VWA3B: variants seen among roughly 807,000 people sequenced by gnomAD.
VWA3B encodes von Willebrand factor A domain-containing protein 3B.
A neutral mutation model predicts 158.3 loss-of-function variants in VWA3B; 138 were observed. The observed-to-expected ratio is 0.87, with a 90% CI of 0.76 to 1.00. The LOEUF is 1.00. Ranked by LOEUF, VWA3B falls within the 50% of genes least tolerant of loss-of-function variation. The pLI is 0.00. For missense variants in VWA3B, 1,555 were observed against 1,565.1 expected, an observed-to-expected ratio of 0.99 and a Z score of 0.11; for synonymous variants, 596 against 587.3, an observed-to-expected ratio of 1.01 and a Z score of -0.21.
chr2:98,102,179 C>T (rs904401727), intron 2 of VWA3B, among the ~76,000 whole-genome samples: 5 of 152,228 alleles, frequency 3.3e-5, no homozygotes, highest in East Asian at 1.9e-4. Flanking sequence ...TCAGAGAGCA[C>T]GGGGTTGGGG....
At chr2:98,192,619 G>A (rs1681690087) in intron 10 of VWA3B, among the ~76,000 whole-genome samples, 1 of 152,144 alleles carries the variant, frequency 6.6e-6, no homozygotes, top group African/African-American at 2.4e-5. Context: ...CTTAGCTTGG[G>A]CCCAGAGGCC....
intron 13 of VWA3B, among the ~76,000 whole-genome samples, chr2:98,213,108 G>A (rs1218863012): frequency 6.6e-6 from 1 of 152,330 alleles, no homozygotes; most frequent in Non-Finnish European, 1.5e-5. Context: ...TGTCTGGAAA[G>A]ACAAGAAGGA....
intron 26 of VWA3B, among the ~76,000 whole-genome samples, chr2:98,306,960 GTC>G (rs1690564834): frequency 6.6e-6 from 1 of 152,098 alleles, no homozygotes; most frequent in South Asian, 2.1e-4. Flanking sequence ...AGCTTAACCT[GTC>G]TCTGTTTCTA....
intron 7 of VWA3B, among the ~76,000 whole-genome samples, chr2:98,140,585 T>A (rs1559567840): frequency 6.6e-6 from 1 of 152,170 alleles, no homozygotes; most frequent in Non-Finnish European, 1.5e-5. Context: ...GTGAAGGTAT[T>A]CCTGCCTCTT....
At chr2:98,229,132 A>G (rs1271770557) in intron 15 of VWA3B, among the ~76,000 whole-genome samples, 2 of 152,266 alleles carry the variant, frequency 1.3e-5, no homozygotes, top group African/African-American at 4.8e-5. Flanking sequence ...GCCATCTTAC[A>G]ATAAGATTTT....
intron 23 of VWA3B, among the ~76,000 whole-genome samples, chr2:98,297,466 G>A (rs774089907): frequency 2.0e-5 from 3 of 152,112 alleles, no homozygotes; most frequent in Non-Finnish European, 2.9e-5. Flanking sequence ...AAGCCAATTT[G>A]GATGGGAGTT....
At chr2:98,161,061 C>T (rs1450826042) in intron 7 of VWA3B, among the ~76,000 whole-genome samples, 1 of 152,210 alleles carries the variant, frequency 6.6e-6, no homozygotes, top group Admixed American at 6.5e-5. Context: ...GTGGATGAGT[C>T]TCCTGGGGTG....
intron 12 of VWA3B, among the ~76,000 whole-genome samples, chr2:98,201,008 A>G (rs747986064): frequency 6.6e-6 from 1 of 152,194 alleles, no homozygotes; most frequent in East Asian, 1.9e-4. Context: ...CACCAACATC[A>G]CATTGTCTTT....
chr2:98,256,789 C>T (rs888292233), intron 21 of VWA3B, among the ~76,000 whole-genome samples: 2 of 152,082 alleles, frequency 1.3e-5, no homozygotes, highest in Admixed American at 1.3e-4. Context: ...GTGGCTATGC[C>T]ATTTTTAGAA....
At chr2:98,329,746 T>A in the VWA3B span, among the ~76,000 whole-genome samples, 6,535 of 152,264 alleles carry the variant, frequency 0.043, 173 homozygotes, top group South Asian at 0.064. Context: ...AGGGAAGCTA[T>A]CCTAGATAAT....
At chr2:98,110,034 GT>G (rs1277175731) in intron 2 of VWA3B, among the ~76,000 whole-genome samples, 10 of 148,556 alleles carry the variant, frequency 6.7e-5, no homozygotes, top group African/African-American at 2.5e-4. Flanking sequence ...TATGTTTTTT[GT>G]TTTTGCCAAA....
intron 8 of VWA3B, among the ~76,000 whole-genome samples, chr2:98,174,582 CAA>C (rs1472213544): frequency 6.6e-6 from 1 of 152,146 alleles, no homozygotes; most frequent in Non-Finnish European, 1.5e-5. Context: ...TCAGGACAAA[CAA>C]GAGGTAAACC....
At chr2:98,112,281 GGTGTGTGTGTGTGT>G (rs61436618) in intron 2 of VWA3B, among the ~76,000 whole-genome samples, 5 of 148,294 alleles carry the variant, frequency 3.4e-5, no homozygotes, top group Non-Finnish European at 6.0e-5. Context: ...GTCTGTTTGG[GGTGTGTGTGTGTGT>G]GTGTGTGGGT....
rs560789549 is a variant in VWA3B, at chr2:98,114,603, A to T, written c.197-1049A>T. ...GAGGGAAGGAAGTACCAGCACCACA[A>T]GTACCACCATTCTGTCTCCCACCTT... On this transcript the variant is annotated intron_variant, in intron 2 of 27. Transcript: ENST00000477737. Among the ~76,000 whole-genome samples, 189 of 152,342 alleles carry T rather than the reference A, an allele frequency of 1.2e-3. 1 individual carries two copies. The highest frequency in any genetic ancestry group is 0.01 in the Middle Eastern group (3 of 294).
intron 8 of VWA3B, 112 bp from the exon 9 acceptor site, chr2:98,180,904 C>A: frequency 9.2e-7 from 1 of 1,091,264 alleles, no homozygotes; most frequent in Non-Finnish European, 1.3e-6. Context: ...TGAAATGAAA[C>A]ATGGGCTTTG....
intron 12 of VWA3B, among the ~76,000 whole-genome samples, chr2:98,210,938 G>A (rs889024961): frequency 3.3e-5 from 5 of 152,310 alleles, no homozygotes; most frequent in South Asian, 4.1e-4. Flanking sequence ...GATGCACACC[G>A]ATGCAGCTCC....
intron 25 of VWA3B, among the ~76,000 whole-genome samples, chr2:98,302,477 C>T (rs576539371): frequency 3.9e-5 from 6 of 152,328 alleles, no homozygotes; most frequent in African/African-American, 1.4e-4. Flanking sequence ...GACGACTTAA[C>T]ATGCCTGGAA....
At chr2:98,268,851 C>T (rs1263221207) in intron 21 of VWA3B, among the ~76,000 whole-genome samples, 1 of 152,014 alleles carries the variant, frequency 6.6e-6, no homozygotes, top group Non-Finnish European at 1.5e-5. Flanking sequence ...GAGCGTAAGT[C>T]AAATGGTTTA....
Position 98,290,610 on chromosome 2 carries a change from T to A in VWA3B, c.3145T>A (p.Phe1049Ile). Residue 1049 changes from phenylalanine (F) to isoleucine (I), a missense_variant, in exon 23 of 28, where the codon TTT becomes ATT. Coordinates refer to ENST00000477737, the MANE Select transcript of VWA3B (RefSeq NM_144992.5). ...KVIARCDENG[F>I]YFPGVVKKCV... Reference sequence around the variant, plus strand: ...TATTGCAAGATGTGATGAAAATGGCTTTTATTTTCCAGGTAGTTTTTTTTT... The same window carrying A: ...TATTGCAAGATGTGATGAAAATGGCATTTATTTTCCAGGTAGTTTTTTTTT... 1.9e-6 allele frequency: 3 copies of A among 1,594,752 alleles called. 1 individual carries two copies. Among genetic ancestry groups the A allele is most frequent in the South Asian group, 2.3e-5 (2 of 85,412 alleles).
Sources: gnomAD v4.1 joint callset for allele counts (sites outside exome capture counted in the v4.1 genomes callset) on GRCh38, gnomAD v4.1.1 for gene constraint, MANE v1.5 for transcripts, NCBI Gene and HGNC (gene_info 2026-07-23, HGNC 2026-07-21) for gene names.